Variants in SMYD3 observed in about 807,000 individuals in gnomAD.
The protein encoded by SMYD3 is SET and MYND domain containing 3.
A neutral mutation model predicts 57.7 loss-of-function variants in SMYD3; 36 were observed. That is an observed-to-expected ratio of 0.62 (90% CI 0.48 to 0.82). SMYD3 has a LOEUF of 0.82. Among genes scored for constraint, SMYD3 ranks in the 40% least tolerant of loss-of-function variants. The probability of loss-of-function intolerance (pLI) is 0.00; values close to 1 mark genes in which losing one functional copy is unlikely to be tolerated. For synonymous variants in SMYD3, 211 were observed against 195.0 expected, an observed-to-expected ratio of 1.08 and a Z score of -0.68; for missense variants, 515 against 538.8, an observed-to-expected ratio of 0.96 and a Z score of 0.44.
intron 1 of SMYD3, among the ~76,000 whole-genome samples, chr1:246,363,270 GC>G (rs1311034978): frequency 3.3e-5 from 5 of 151,616 alleles, no homozygotes; most frequent in African/African-American, 4.8e-5. Context: ...CCCCCGCCAG[GC>G]CAGCCGCCCC....
chr1:245,976,950 TCTA>T, intron 5 of SMYD3, among the ~76,000 whole-genome samples: 3 of 45,084 alleles, frequency 6.7e-5, no homozygotes, highest in African/African-American at 2.4e-4. Context: ...AGCCATCGTC[TCTA>T]GCCTAGGGAA....
chr1:246,312,532 G>T (rs2065096469), intron 5 of SMYD3, among the ~76,000 whole-genome samples: 1 of 152,214 alleles, frequency 6.6e-6, no homozygotes, highest in African/African-American at 2.4e-5. Context: ...TCCTGGCACG[G>T]CTGGCTCAGG....
At chr1:246,031,737 G>GGA (rs573285887) in intron 5 of SMYD3, among the ~76,000 whole-genome samples, 1 of 136,816 alleles carries the variant, frequency 7.3e-6, no homozygotes, top group South Asian at 2.3e-4. Flanking sequence ...ACTTTGTCTC[G>GGA]AAAAAAAAAA....
chr1:245,834,664 G>A (rs1487617761), intron 10 of SMYD3, among the ~76,000 whole-genome samples: 2 of 152,202 alleles, frequency 1.3e-5, no homozygotes, highest in Non-Finnish European at 2.9e-5. Context: ...AGCAGCCCCA[G>A]TGGAGCAATC....
chr1:246,416,093 T>C (rs1254456637), intron 1 of SMYD3, among the ~76,000 whole-genome samples: 1 of 152,210 alleles, frequency 6.6e-6, no homozygotes, highest in South Asian at 2.1e-4. Flanking sequence ...CATTCACAAA[T>C]AAATTTTTTG....
intron 8 of SMYD3, among the ~76,000 whole-genome samples, chr1:245,888,440 T>C (rs9287195): frequency 0.57 from 86,293 of 152,042 alleles, 27,849 homozygotes; most frequent in Non-Finnish European, 0.74. Flanking sequence ...TACCTTTATT[T>C]ACCTTTTAAC....
chr1:245,851,085 T>C (rs924788730), intron 10 of SMYD3, among the ~76,000 whole-genome samples: 3 of 152,074 alleles, frequency 2.0e-5, no homozygotes, highest in Admixed American at 1.3e-4. Context: ...CCAAGAGAGA[T>C]AAGTACTTGA....
chr1:246,327,337 TC>T lies in SMYD3; in HGVS notation c.395-1del, dbSNP rs769725074. The T allele has an allele frequency of 1.2e-6, 2 of 1,607,952 alleles. No homozygotes were observed. Among genetic ancestry groups the T allele is most frequent in the African/African-American group, 1.3e-5 (1 of 74,356 alleles). On this transcript the variant is annotated splice_acceptor_variant, in intron 4 of 11. Transcript: ENST00000490107. LOFTEE classifies it high-confidence loss of function. The stretch of plus-strand genomic sequence containing the variant: ...CTTATCTTCAGTCAGTTTGTTAATA[TC>T]TTTTTTAAAGAGAAAATAAATAGCA...
At chr1:246,495,820 C>G (rs2068351825) in intron 1 of SMYD3, among the ~76,000 whole-genome samples, 1 of 151,560 alleles carries the variant, frequency 6.6e-6, no homozygotes, top group Admixed American at 6.6e-5. Flanking sequence ...GGGGTGGTGG[C>G]ACGCATCTGT....
intron 5 of SMYD3, among the ~76,000 whole-genome samples, chr1:246,142,120 T>C (rs2061767021): frequency 6.6e-6 from 1 of 152,162 alleles, no homozygotes; most frequent in South Asian, 2.1e-4. Context: ...CCCCTTACCC[T>C]TAGGGGATAC....
intron 1 of SMYD3, among the ~76,000 whole-genome samples, chr1:246,428,474 A>T (rs189876088): frequency 1.2e-4 from 19 of 152,376 alleles, no homozygotes; most frequent in Admixed American, 7.2e-4. Flanking sequence ...ACTATCTGTC[A>T]GGTACTGCTC....
intron 5 of SMYD3, among the ~76,000 whole-genome samples, chr1:246,225,011 C>T (rs1244537409): frequency 1.3e-5 from 2 of 151,534 alleles, no homozygotes; most frequent in South Asian, 2.1e-4. Context: ...GACATACGAA[C>T]GGGAGCTCAG....
intron 5 of SMYD3, among the ~76,000 whole-genome samples, chr1:246,285,541 CAAA>C (rs34997056): frequency 3.5e-4 from 51 of 143,750 alleles, no homozygotes; most frequent in African/African-American, 1.3e-3. Context: ...AAAAATGCTA[CAAA>C]AAAAAAAATT....
intron 1 of SMYD3, among the ~76,000 whole-genome samples, chr1:246,386,395 GA>G (rs2066481089): frequency 6.6e-6 from 1 of 152,178 alleles, no homozygotes. Flanking sequence ...AGTCTGTTGT[GA>G]ATTCAGTGTT....
intron 5 of SMYD3, among the ~76,000 whole-genome samples, chr1:246,028,861 A>G (rs942791379): frequency 4.6e-5 from 7 of 152,218 alleles, no homozygotes; most frequent in African/African-American, 1.7e-4. Flanking sequence ...CCAAAACCAT[A>G]TGGTACTGGT....
chr1:246,010,510 C>T (rs1201995623), intron 5 of SMYD3, among the ~76,000 whole-genome samples: 1 of 152,212 alleles, frequency 6.6e-6, no homozygotes, highest in Non-Finnish European at 1.5e-5. Context: ...TCATTTCCTA[C>T]TACTTTGGTT....
At chr1:246,284,282 G>T (rs372585986) in intron 5 of SMYD3, among the ~76,000 whole-genome samples, 1 of 152,138 alleles carries the variant, frequency 6.6e-6, no homozygotes, top group African/African-American at 2.4e-5. Context: ...AGCAGGCTCC[G>T]AAATCTTTCA....
intron 5 of SMYD3, among the ~76,000 whole-genome samples, chr1:245,974,381 CAG>C (rs1439081792): frequency 3.3e-5 from 5 of 152,186 alleles, no homozygotes. Flanking sequence ...TCCAGTCTAT[CAG>C]AGTCATGACA....
intron 1 of SMYD3, among the ~76,000 whole-genome samples, chr1:246,470,819 A>G (rs1419278669): frequency 6.6e-6 from 1 of 152,150 alleles, no homozygotes; most frequent in Admixed American, 6.5e-5. Context: ...CTAGAGATCA[A>G]AAGTACTGTG....
Sources: gnomAD v4.1 joint callset for allele counts (sites outside exome capture counted in the v4.1 genomes callset) on GRCh38, gnomAD v4.1.1 for gene constraint, MANE v1.5 for transcripts, NCBI Gene and HGNC (gene_info 2026-07-23, HGNC 2026-07-21) for gene names.